Variants in DCLK2 observed in about 807,000 individuals in gnomAD.
DCLK2 encodes serine/threonine-protein kinase DCLK2.
Under a neutral mutation model 78.4 loss-of-function variants are expected in DCLK2, and 31 were observed. That is an observed-to-expected ratio of 0.40 (90% CI 0.30 to 0.53). The LOEUF (loss-of-function observed/expected upper bound fraction) is 0.53, where lower values mean the gene tolerates loss of function less well. Ranked by LOEUF, DCLK2 falls within the 20% of genes least tolerant of loss-of-function variation. DCLK2 has a pLI of 0.61. For synonymous variants in DCLK2, 407 were observed against 374.9 expected, an observed-to-expected ratio of 1.09 and a Z score of -0.99; for missense variants, 872 against 973.7, an observed-to-expected ratio of 0.90 and a Z score of 1.39.
rs146321827 is a variant in DCLK2 at position 150,103,008 on chromosome 4, G to T, written c.756+196G>T. On this transcript the variant is annotated intron_variant, in intron 2 of 15. Transcript: ENST00000296550. Reference sequence around the variant, plus strand: ...AACCATTTTTGTGAAAAATGTAAGCGACTTAAGTACCTCAAAAGTGATTAT... The same window carrying T: ...AACCATTTTTGTGAAAAATGTAAGCTACTTAAGTACCTCAAAAGTGATTAT... Among the ~76,000 whole-genome samples the T allele has an allele frequency of 8.0e-3, 1,211 of 152,100 alleles. 9 individuals carry two copies. Among genetic ancestry groups the T allele is most frequent in the Non-Finnish European group, 0.014 (940 of 67,982 alleles).
chr4:150,125,954 A>C (rs1732894873), intron 2 of DCLK2, among the ~76,000 whole-genome samples: 2 of 141,902 alleles, frequency 1.4e-5, no homozygotes, highest in Non-Finnish European at 1.5e-5. Context: ...CTATAAAATA[A>C]TATAAAAAGA....
intron 8 of DCLK2, among the ~76,000 whole-genome samples, chr4:150,227,824 A>G (rs912150791): frequency 6.6e-6 from 1 of 152,176 alleles, no homozygotes; most frequent in African/African-American, 2.4e-5. Flanking sequence ...CATCATCTAC[A>G]TGGGCCCAGG....
intron 2 of DCLK2, among the ~76,000 whole-genome samples, chr4:150,166,761 T>G (rs1736115745): frequency 6.6e-6 from 1 of 152,162 alleles, no homozygotes; most frequent in Admixed American, 6.5e-5. Context: ...TCATGCAATC[T>G]TTGTGCACTG....
At chr4:150,162,338 A>T (rs759093624) in intron 2 of DCLK2, among the ~76,000 whole-genome samples, 1 of 152,052 alleles carries the variant, frequency 6.6e-6, no homozygotes, top group Non-Finnish European at 1.5e-5. Flanking sequence ...AGCCTGATTT[A>T]TTTTTAATAC....
At chr4:150,143,239 T>C (rs1734232589) in intron 2 of DCLK2, among the ~76,000 whole-genome samples, 1 of 152,178 alleles carries the variant, frequency 6.6e-6, no homozygotes, top group African/African-American at 2.4e-5. Context: ...GAACATTCAA[T>C]AGTCATTGAA....
At position 150,207,786 on chromosome 4, in the gene DCLK2, G is replaced by C. The variant is rs139440363; in HGVS notation, c.1056+3897G>C. Among the ~76,000 whole-genome samples, 635 of 152,270 alleles carry C rather than the reference G, an allele frequency of 4.2e-3. 3 individuals carry two copies. The highest frequency in any genetic ancestry group is 0.014 in the African/African-American group (574 of 41,546). On this transcript the variant is annotated intron_variant, in intron 5 of 15. Transcript: ENST00000296550. ...ATTATATATTTGTTTTGTTCAAGTA[G>C]TATTAAAGAAAAAACACTAATTATT...
intron 2 of DCLK2, among the ~76,000 whole-genome samples, chr4:150,149,071 C>T (rs930549687): frequency 2.0e-5 from 3 of 147,494 alleles, no homozygotes; most frequent in Non-Finnish European, 4.5e-5. Context: ...GAAATGGAGA[C>T]CATGGATACC....
In DCLK2 at chr4:150,220,695, T is replaced by G. The variant is rs778912922; in HGVS notation, c.1057-8T>G. The G allele has an allele frequency of 1.2e-6, 2 of 1,611,440 alleles. No individual in the cohort carries two copies. The highest frequency in any genetic ancestry group is 2.2e-5 in the South Asian group (2 of 90,672). On this transcript the variant is annotated splice_region_variant and splice_polypyrimidine_tract_variant and intron_variant, in intron 5 of 15. Coordinates refer to ENST00000296550, the MANE Select transcript of DCLK2 (RefSeq NM_001040260.4). The stretch of plus-strand genomic sequence containing the variant: ...TCCTGATAAATAATGGTCATTCTCC[T>G]CTTTCAGCAGATTTCTGCTCATGGC...
chr4:150,146,965 A>G (rs112479149), intron 2 of DCLK2, among the ~76,000 whole-genome samples: 23 of 151,912 alleles, frequency 1.5e-4, no homozygotes, highest in African/African-American at 5.5e-4. Flanking sequence ...TGGCTACCTG[A>G]TAGAGTTTTC....
intron 2 of DCLK2, among the ~76,000 whole-genome samples, chr4:150,154,097 AGTTT>A (rs1735088869): frequency 6.6e-6 from 1 of 152,192 alleles, no homozygotes; most frequent in Non-Finnish European, 1.5e-5. Context: ...CCGATGAAAA[AGTTT>A]GTTCTGTTAT....
intron 2 of DCLK2, among the ~76,000 whole-genome samples, chr4:150,128,393 A>G (rs1733067033): frequency 6.6e-6 from 1 of 152,138 alleles, no homozygotes; most frequent in Admixed American, 6.5e-5. Context: ...TTGAAATCAA[A>G]TAGGTAGGCA....
At chr4:150,112,720 T>C (rs1731779246) in intron 2 of DCLK2, among the ~76,000 whole-genome samples, 1 of 152,114 alleles carries the variant, frequency 6.6e-6, no homozygotes, top group African/African-American at 2.4e-5. Context: ...TCTGTTTATG[T>C]GATGTATCTC....
chr4:150,164,723 C>T (rs903308578), intron 2 of DCLK2, among the ~76,000 whole-genome samples: 1 of 152,088 alleles, frequency 6.6e-6, no homozygotes, highest in Admixed American at 6.6e-5. Flanking sequence ...TGCTTGAACA[C>T]AGGAGGTGGA....
chr4:150,102,874 T>G, intron 2 of DCLK2, 62 bp downstream of exon 2: 1 of 1,445,108 alleles, frequency 6.9e-7, no homozygotes, highest in African/African-American at 1.4e-5. Context: ...CCATGGTGGC[T>G]ACATAGTCAA....
Position 150,248,345 on chromosome 4 carries a change from G to A in DCLK2, c.1916G>A (p.Arg639Gln). 1 of 1,613,940 alleles carries A rather than the reference G, an allele frequency of 6.2e-7. No homozygotes were observed. The highest frequency in any genetic ancestry group is 8.5e-7 in the Non-Finnish European group (1 of 1,180,004). ...SQMLQVNVEA[R>Q]CTAGQILSHP... ...ATGCTTCAGGTAAATGTTGAAGCTC[G>A]GTGTACCGCGGGACAAATCCTGAGT... Residue 639 changes from arginine to glutamine, a missense_variant, in exon 14 of 16, where the codon CGG (arginine) becomes CAG (glutamine). Arg to Gln is a conservative substitution (Grantham distance 43, BLOSUM62 1). Around this residue, in one of 3 missense-constraint regions of DCLK2, gnomAD observed 219 missense variants for 230.1 expected, o/e 0.95. Transcript: ENST00000296550.
chr4:150,252,950 G>A (rs1211530791), intron 15 of DCLK2, among the ~76,000 whole-genome samples: 1 of 152,124 alleles, frequency 6.6e-6, no homozygotes, highest in Non-Finnish European at 1.5e-5. Flanking sequence ...CAAAACACCA[G>A]CCTGTGACTT....
At chr4:150,243,608 T>C (rs1307994531) in intron 12 of DCLK2, among the ~76,000 whole-genome samples, 1 of 152,260 alleles carries the variant, frequency 6.6e-6, no homozygotes, top group Non-Finnish European at 1.5e-5. Context: ...GCATTTAAAC[T>C]ACAATCGTTA....
chr4:150,197,826 C>G (rs1560860751), intron 3 of DCLK2, among the ~76,000 whole-genome samples, 176 bp from the exon 4 acceptor site: 1 of 151,850 alleles, frequency 6.6e-6, no homozygotes, highest in Admixed American at 6.6e-5. Context: ...AGATGTGTAG[C>G]CTGACTGAAG....
intron 5 of DCLK2, chr4:150,209,661 T>G (rs2126479957): frequency 6.6e-6 from 1 of 152,420 alleles, no homozygotes; most frequent in South Asian, 2.1e-4. Context: ...CTCTGCTGCC[T>G]CCTCCATTTG....
Sources: gnomAD v4.1 joint callset for allele counts (sites outside exome capture counted in the v4.1 genomes callset) on GRCh38, gnomAD v4.1.1 for gene constraint, gnomAD v4.1.1 regional missense constraint, MANE v1.5 for transcripts, NCBI Gene and HGNC (gene_info 2026-07-23, HGNC 2026-07-21) for gene names.